Variants in CIMIP5 observed in about 807,000 individuals in gnomAD.
CIMIP5 encodes ciliary microtubule inner protein 5, also known as uncharacterized protein C2orf50.
chr2:11,137,901 A>C, the CIMIP5 span, among the ~76,000 whole-genome samples: 1 of 152,212 alleles, frequency 6.6e-6, no homozygotes, highest in Non-Finnish European at 1.5e-5. Flanking sequence ...GCTGGAGTGC[A>C]GTGGTGCCAT....
the CIMIP5 span, among the ~76,000 whole-genome samples, chr2:11,136,044 A>G: frequency 6.6e-6 from 1 of 152,226 alleles, no homozygotes; most frequent in Non-Finnish European, 1.5e-5. Context: ...CTTATCAGAA[A>G]TATGATCTGT....
the CIMIP5 span, among the ~76,000 whole-genome samples, chr2:11,154,458 C>T: frequency 6.6e-6 from 1 of 152,166 alleles, no homozygotes; most frequent in East Asian, 1.9e-4. Context: ...CTCACACTTC[C>T]CGGCTGAGAT....
At chr2:11,138,066 G>A in the CIMIP5 span, among the ~76,000 whole-genome samples, 1 of 152,142 alleles carries the variant, frequency 6.6e-6, no homozygotes, top group Non-Finnish European at 1.5e-5. Flanking sequence ...GGATGGTCTC[G>A]ATCTCCTGAC....
At chr2:11,136,118 G>C in the CIMIP5 span, among the ~76,000 whole-genome samples, 1 of 152,142 alleles carries the variant, frequency 6.6e-6, no homozygotes, top group Admixed American at 6.6e-5. Context: ...TTGCTCTTCA[G>C]AAGTTTTTGA....
the CIMIP5 span, among the ~76,000 whole-genome samples, chr2:11,148,730 CTCTT>C: frequency 6.3e-5 from 4 of 63,852 alleles, no homozygotes; most frequent in Non-Finnish European, 1.1e-4. Flanking sequence ...CTAATGAAAA[CTCTT>C]TTTTTTTTTT....
chr2:11,149,176 A>G, the CIMIP5 span, among the ~76,000 whole-genome samples: 1 of 152,182 alleles, frequency 6.6e-6, no homozygotes, highest in African/African-American at 2.4e-5. Context: ...AGAACGGTAA[A>G]TGCTGAAATC....
At chr2:11,147,299 C>T in the CIMIP5 span, among the ~76,000 whole-genome samples, 1 of 152,160 alleles carries the variant, frequency 6.6e-6, no homozygotes, top group South Asian at 2.1e-4. Flanking sequence ...GCCTTCCCCG[C>T]TCCAGGCCTC....
the CIMIP5 span, among the ~76,000 whole-genome samples, chr2:11,142,713 ATTTTTTT>A: frequency 9.6e-5 from 10 of 104,140 alleles, no homozygotes; most frequent in South Asian, 3.4e-4. Flanking sequence ...CACTTGTCAG[ATTTTTTT>A]TTTTTTTTTT....
At chr2:11,142,713 A>ATT in the CIMIP5 span, among the ~76,000 whole-genome samples, 4,919 of 104,042 alleles carry the variant, frequency 0.047, 218 homozygotes, top group Non-Finnish European at 0.059. Context: ...CACTTGTCAG[A>ATT]TTTTTTTTTT....
chr2:11,143,860 C>T, the CIMIP5 span: 17 of 1,390,492 alleles, frequency 1.2e-5, no homozygotes, highest in Non-Finnish European at 1.6e-5. Context: ...CTGTTTTCTC[C>T]CATTCTAAGG....
chr2:11,151,275 G>A, the CIMIP5 span, among the ~76,000 whole-genome samples: 1 of 152,250 alleles, frequency 6.6e-6, no homozygotes, highest in Non-Finnish European at 1.5e-5. Context: ...TTGGGGACGT[G>A]TCGTCAGGAC....
the CIMIP5 span, chr2:11,140,501 C>G: frequency 6.4e-7 from 1 of 1,557,180 alleles, no homozygotes; most frequent in Non-Finnish European, 8.8e-7. Flanking sequence ...ACATGTTTTT[C>G]CTTTCCAGGA....
the CIMIP5 span, among the ~76,000 whole-genome samples, chr2:11,135,627 T>A: frequency 6.6e-6 from 1 of 150,628 alleles, no homozygotes; most frequent in Non-Finnish European, 1.5e-5. Flanking sequence ...GACAGGTTTT[T>A]ACCATGTTGG....
the CIMIP5 span, chr2:11,144,178 A>G: frequency 7.3e-7 from 1 of 1,378,158 alleles, no homozygotes; most frequent in African/African-American, 1.4e-5. Context: ...CCAGCCCACA[A>G]CAGCACCAGT....
the CIMIP5 span, among the ~76,000 whole-genome samples, chr2:11,149,306 C>A: frequency 7.5e-6 from 1 of 132,564 alleles, no homozygotes; most frequent in Non-Finnish European, 1.6e-5. Flanking sequence ...CTAGGAAGCA[C>A]TCTTGCCAAA....
At chr2:11,136,047 T>C in the CIMIP5 span, among the ~76,000 whole-genome samples, 1 of 152,228 alleles carries the variant, frequency 6.6e-6, no homozygotes, top group Non-Finnish European at 1.5e-5. Flanking sequence ...ATCAGAAATA[T>C]GATCTGTAAA....
the CIMIP5 span, among the ~76,000 whole-genome samples, chr2:11,137,227 G>A: frequency 7.2e-5 from 11 of 152,190 alleles, no homozygotes; most frequent in African/African-American, 2.4e-4. Context: ...ACAAAAATTA[G>A]CCAGGCATGG....
chr2:11,134,319 T>C, the CIMIP5 span, among the ~76,000 whole-genome samples: 200 of 152,310 alleles, frequency 1.3e-3, no homozygotes, highest in African/African-American at 4.6e-3. Flanking sequence ...CCCCAGCCCT[T>C]ATAAAAGTCT....
chr2:11,133,232 G>T, the CIMIP5 span: 1 of 1,384,416 alleles, frequency 7.2e-7, no homozygotes, highest in East Asian at 2.7e-5. Flanking sequence ...CCCGGGGTTA[G>T]GAGGGACAGA....
Sources: gnomAD v4.1 joint callset for allele counts (sites outside exome capture counted in the v4.1 genomes callset) on GRCh38, gnomAD v4.1.1 for gene constraint, MANE v1.5 for transcripts, NCBI Gene and HGNC (gene_info 2026-07-23, HGNC 2026-07-21) for gene names.